SLC35F1: variants seen among roughly 807,000 people sequenced by gnomAD.
The protein encoded by SLC35F1 is chromosome 6 open reading frame 169.
Under a neutral mutation model 48.7 loss-of-function variants are expected in SLC35F1, and 14 were observed. The observed-to-expected ratio is 0.29, with a 90% CI of 0.19 to 0.45. The LOEUF (loss-of-function observed/expected upper bound fraction) is 0.45, where lower values mean the gene tolerates loss of function less well. Ranked by LOEUF, SLC35F1 falls within the 20% of genes least tolerant of loss-of-function variation. The pLI, the probability that SLC35F1 is intolerant of heterozygous loss-of-function variation, is 1.00. For synonymous variants in SLC35F1, 190 were observed against 202.2 expected (o/e 0.94, Z 0.51); for missense variants, 404 against 500.0 (o/e 0.81, Z 1.83).
intron 1 of SLC35F1, among the ~76,000 whole-genome samples, chr6:118,084,306 G>GTGTAT (rs1442648765): frequency 1.3e-5 from 2 of 152,048 alleles, no homozygotes; most frequent in Non-Finnish European, 2.9e-5. Context: ...TTATAATTAT[G>GTGTAT]TGTATTGCCC....
chr6:118,212,525 A>G (rs2114550263), intron 2 of SLC35F1, among the ~76,000 whole-genome samples: 1 of 152,148 alleles, frequency 6.6e-6, no homozygotes, highest in African/African-American at 2.4e-5. Flanking sequence ...CCACATCTCT[A>G]CTAAAAATAC....
At chr6:118,246,812 A>T (rs565591009) in intron 3 of SLC35F1, among the ~76,000 whole-genome samples, 2 of 152,262 alleles carry the variant, frequency 1.3e-5, no homozygotes, top group South Asian at 4.1e-4. Flanking sequence ...CAACAAAAAA[A>T]GTTCTATGAT....
At chr6:117,958,689 A>G (rs917101018) in intron 1 of SLC35F1, among the ~76,000 whole-genome samples, 4 of 152,214 alleles carry the variant, frequency 2.6e-5, no homozygotes, top group Admixed American at 6.5e-5. Context: ...GCAGTAAGCT[A>G]TGCCATCTCG....
chr6:117,990,636 C>G (rs775641944), intron 1 of SLC35F1, among the ~76,000 whole-genome samples: 1 of 152,212 alleles, frequency 6.6e-6, no homozygotes, highest in African/African-American at 2.4e-5. Context: ...TAGAATTACT[C>G]TGTGAGCAAG....
chr6:118,259,782 G>A (rs73512519), intron 3 of SLC35F1, among the ~76,000 whole-genome samples: 6,475 of 152,038 alleles, frequency 0.043, 416 homozygotes, highest in African/African-American at 0.13. Context: ...TGTGATTGCA[G>A]AATGGAATGG....
chr6:118,261,543 C>T (rs942495551), intron 3 of SLC35F1, among the ~76,000 whole-genome samples: 6 of 152,280 alleles, frequency 3.9e-5, no homozygotes, highest in East Asian at 3.9e-4. Context: ...TTAGGGCCCA[C>T]GTGAACGCAC....
chr6:118,307,722 C>T (rs1239529707), intron 7 of SLC35F1, among the ~76,000 whole-genome samples: 2 of 152,188 alleles, frequency 1.3e-5, no homozygotes, highest in African/African-American at 4.8e-5. Flanking sequence ...GAGCCAGGTT[C>T]GTCTAGTTGT....
At chr6:118,112,110 T>TTTGAGA (rs1365423770) in intron 1 of SLC35F1, among the ~76,000 whole-genome samples, 3 of 91,092 alleles carry the variant, frequency 3.3e-5, no homozygotes, top group African/African-American at 4.5e-5. Context: ...TCTTTTCTTT[T>TTTGAGA]CTTTTCTTTT....
chr6:118,061,014 T>C (rs969349023), intron 1 of SLC35F1, among the ~76,000 whole-genome samples: 2 of 152,252 alleles, frequency 1.3e-5, no homozygotes, highest in Admixed American at 6.5e-5. Flanking sequence ...AATTTTTGTG[T>C]CTCACAATTC....
chr6:118,048,896 G>T (rs188746659), intron 1 of SLC35F1, among the ~76,000 whole-genome samples: 5 of 152,154 alleles, frequency 3.3e-5, no homozygotes, highest in African/African-American at 7.2e-5. Context: ...AAAAGAGCCC[G>T]CATCGCCAAG....
intron 2 of SLC35F1, among the ~76,000 whole-genome samples, chr6:118,162,627 G>C (rs899299075): frequency 6.6e-6 from 1 of 152,190 alleles, no homozygotes; most frequent in Non-Finnish European, 1.5e-5. Flanking sequence ...ACTGGGCCTA[G>C]AGTTTACAAT....
At chr6:118,056,050 A>G (rs1307401570) in intron 1 of SLC35F1, among the ~76,000 whole-genome samples, 1 of 152,226 alleles carries the variant, frequency 6.6e-6, no homozygotes, top group Non-Finnish European at 1.5e-5. Flanking sequence ...TATCAACAAG[A>G]CAGGTCATTT....
intron 3 of SLC35F1, among the ~76,000 whole-genome samples, chr6:118,261,822 A>G (rs1582757717): frequency 1.3e-5 from 2 of 151,942 alleles, no homozygotes; most frequent in East Asian, 3.9e-4. Flanking sequence ...TGCTTTTCCT[A>G]ACTCCCTCTA....
intron 2 of SLC35F1, among the ~76,000 whole-genome samples, chr6:118,173,455 G>A (rs1196496400): frequency 2.0e-5 from 3 of 151,240 alleles, no homozygotes; most frequent in Non-Finnish European, 4.4e-5. Flanking sequence ...ATGGACCGGT[G>A]AGGCAGATTA....
At chr6:118,156,708 C>A in intron 2 of SLC35F1, among the ~76,000 whole-genome samples, 1 of 75,540 alleles carries the variant, frequency 1.3e-5, no homozygotes, top group Non-Finnish European at 3.4e-5. Context: ...ATAAGAAATA[C>A]ATTGGTTTGG....
At chr6:117,955,423 T>C (rs1404023592) in intron 1 of SLC35F1, among the ~76,000 whole-genome samples, 1 of 152,212 alleles carries the variant, frequency 6.6e-6, no homozygotes, top group Non-Finnish European at 1.5e-5. Flanking sequence ...CAAGACTGTC[T>C]AGCCTGTGGA....
chr6:117,969,488 G>T (rs1421846979), intron 1 of SLC35F1, among the ~76,000 whole-genome samples: 1 of 152,126 alleles, frequency 6.6e-6, no homozygotes, highest in Non-Finnish European at 1.5e-5. Context: ...ATAAACCCAG[G>T]CCAAGGAGGT....
intron 2 of SLC35F1, among the ~76,000 whole-genome samples, chr6:118,212,726 GA>G (rs1237385421): frequency 5.3e-4 from 57 of 106,684 alleles, no homozygotes; most frequent in African/African-American, 1.9e-3. Flanking sequence ...AGGAAGGAAG[GA>G]AAGGAAGGAA....
Position 118,218,161 on chromosome 6 carries a change from A to G in SLC35F1, c.350-17348A>G, listed in dbSNP as rs192216596. On this transcript the variant is annotated intron_variant, in intron 2 of 7. Coordinates refer to ENST00000360388, the MANE Select transcript of SLC35F1 (RefSeq NM_001029858.4). ...CTCTCAGGAAAATAGTTAAGCAAGG[A>G]GAAGGGAGAAAGTATCAATGGTGTC... is the stretch of plus-strand genomic sequence containing the variant. Among the ~76,000 whole-genome samples, 59 of 152,262 alleles carry G rather than the reference A, an allele frequency of 3.9e-4. 1 individual carries two copies. The East Asian group carries it at 0.011, about 27-fold the overall frequency.
Sources: allele counts gnomAD v4.1 joint callset (sites outside exome capture counted in the v4.1 genomes callset), GRCh38; gene constraint gnomAD v4.1.1; transcripts MANE v1.5; gene names NCBI Gene and HGNC (gene_info 2026-07-23, HGNC 2026-07-21).